HOATZ: variants seen among roughly 807,000 people sequenced by gnomAD.
The protein encoded by HOATZ is cilia- and flagella-associated protein HOATZ.
HOATZ carries 26 observed loss-of-function variants against 24.9 expected under a neutral mutation model. That is an observed-to-expected ratio of 1.04 (90% CI 0.76 to 1.45). The LOEUF is 1.45. Ranked by LOEUF, HOATZ falls within the 40% of genes most tolerant of loss-of-function variation. The pLI is 0.00. For synonymous variants in HOATZ, 83 were observed against 76.6 expected, an observed-to-expected ratio of 1.08 and a Z score of -0.43; for missense variants, 226 against 201.5, an observed-to-expected ratio of 1.12 and a Z score of -0.74.
intron 2 of HOATZ, 95 bp downstream of exon 2, chr11:111,515,647 T>C: frequency 1.8e-6 from 2 of 1,083,216 alleles, no homozygotes; most frequent in Non-Finnish European, 2.8e-6. Context: ...CACTGTGGTA[T>C]AACTTTCTGA....
chr11:111,535,793 G>C (rs1867444894), intron 5 of HOATZ: 1 of 152,100 alleles, frequency 6.6e-6, no homozygotes, highest in South Asian at 2.1e-4. Flanking sequence ...CAAGTAGCTG[G>C]GATTACAGGC....
intron 3 of HOATZ, among the ~76,000 whole-genome samples, chr11:111,526,974 T>C (rs1192238394): frequency 1.3e-5 from 2 of 152,222 alleles, no homozygotes; most frequent in African/African-American, 4.8e-5. Flanking sequence ...AATTCAATCA[T>C]ATAGAGTTAC....
Position 111,516,022 on chromosome 11 carries a change from T to G in HOATZ, c.269-18T>G. Reference sequence around the variant, plus strand: ...TAATAAAATTATTTCAGATTGAATTTGACTTTATTCCCTCTAGAAAATAGA... The same window carrying G: ...TAATAAAATTATTTCAGATTGAATTGGACTTTATTCCCTCTAGAAAATAGA... On this transcript the variant is annotated intron_variant, in intron 2 of 5. Coordinates refer to ENST00000375618, the MANE Select transcript of HOATZ (RefSeq NM_001100388.2). 1 of 1,471,892 alleles carries G rather than the reference T, an allele frequency of 6.8e-7. No individual in the cohort carries two copies. The allele number at this position is 1,471,892 out of a possible 1,614,324, so 91.2% of individuals were successfully genotyped here.
intron 5 of HOATZ, chr11:111,535,032 G>C (rs900522880): frequency 6.6e-6 from 1 of 152,088 alleles, no homozygotes; most frequent in Non-Finnish European, 1.5e-5. Context: ...AAATCTGTCC[G>C]TTTTTGTATT....
chr11:111,529,552 C>T (rs1052859517), intron 3 of HOATZ, among the ~76,000 whole-genome samples: 1 of 152,000 alleles, frequency 6.6e-6, no homozygotes, highest in South Asian at 2.1e-4. Flanking sequence ...TTAGCAGAGA[C>T]GGGGTTTCAC....
intron 5 of HOATZ, 101 bp downstream of exon 5, chr11:111,534,565 G>C (rs907408882): frequency 1.2e-5 from 11 of 904,584 alleles, no homozygotes; most frequent in Non-Finnish European, 2.0e-5. Context: ...AAATCTTCTA[G>C]AAACCCACCC....
chr11:111,529,209 G>T (rs1867369994), intron 3 of HOATZ, among the ~76,000 whole-genome samples: 1 of 151,934 alleles, frequency 6.6e-6, no homozygotes. Context: ...ATAAGCATTA[G>T]CATTAAATGG....
intron 3 of HOATZ, among the ~76,000 whole-genome samples, chr11:111,522,629 C>T (rs1356117855): frequency 6.6e-6 from 1 of 152,142 alleles, no homozygotes; most frequent in African/African-American, 2.4e-5. Flanking sequence ...CCTGACGATA[C>T]AGTCATTTGT....
intron 3 of HOATZ, among the ~76,000 whole-genome samples, chr11:111,530,737 A>C (rs959872529): frequency 1.3e-5 from 2 of 152,172 alleles, no homozygotes; most frequent in African/African-American, 2.4e-5. Context: ...TGTTAATATG[A>C]AATTAAGAAG....
At chr11:111,529,357 T>G (rs1264311539) in intron 3 of HOATZ, among the ~76,000 whole-genome samples, 1 of 152,088 alleles carries the variant, frequency 6.6e-6, no homozygotes, top group Non-Finnish European at 1.5e-5. Flanking sequence ...TCATATTATT[T>G]TCTCTTAATC....
At chr11:111,520,261 G>C (rs964799612) in intron 3 of HOATZ, among the ~76,000 whole-genome samples, 1 of 152,134 alleles carries the variant, frequency 6.6e-6, no homozygotes, top group Admixed American at 6.5e-5. Context: ...CTCTTCAGCT[G>C]ATTATCCCTT....
Position 111,515,428 on chromosome 11 carries a change from T to C in HOATZ, c.227-83T>C. On this transcript the variant is annotated intron_variant, in intron 1 of 5. Coordinates refer to ENST00000375618, the MANE Select transcript of HOATZ (RefSeq NM_001100388.2). ...CTAGGATGTGGAAACTGTTATGCAA[T>C]TGTTATAGTATAAAAAATTCAAACG... 3.6e-6 allele frequency: 4 copies of C among 1,108,312 alleles called. No homozygotes were observed. In the South Asian group the frequency reaches 3.8e-5, roughly 10 times the overall value. 68.7% of individuals were successfully genotyped at this position (1,108,312 alleles called of 1,614,324 possible).
chr11:111,525,275 T>G (rs1292187005), intron 3 of HOATZ, among the ~76,000 whole-genome samples: 1 of 152,158 alleles, frequency 6.6e-6, no homozygotes, highest in Non-Finnish European at 1.5e-5. Flanking sequence ...ACTTTGAAAC[T>G]TTCATTATAA....
chr11:111,532,205 T>C (rs1230618284), intron 3 of HOATZ, among the ~76,000 whole-genome samples: 1 of 152,178 alleles, frequency 6.6e-6, no homozygotes. Flanking sequence ...TTCTGCTACA[T>C]AAGTCTGCAG....
At chr11:111,522,230 A>T (rs1041085834) in intron 3 of HOATZ, among the ~76,000 whole-genome samples, 1 of 152,274 alleles carries the variant, frequency 6.6e-6, no homozygotes, top group African/African-American at 2.4e-5. Flanking sequence ...TGAAACTATT[A>T]GATGCAAAAT....
chr11:111,517,641 C>T (rs1415124278), intron 3 of HOATZ, among the ~76,000 whole-genome samples: 1 of 152,102 alleles, frequency 6.6e-6, no homozygotes, highest in African/African-American at 2.4e-5. Flanking sequence ...GTGGAGGAGA[C>T]AGCCAATTAA....
Position 111,514,996 on chromosome 11 carries a change from G to C in HOATZ, c.212G>C (p.Arg71Thr). Reference sequence around the variant, plus strand: ...CGTCTGCCGGTGGCGCGGCCCAGGAGGAGCAGAGGGTCTGGTGAGTAGAAT... The same window carrying C: ...CGTCTGCCGGTGGCGCGGCCCAGGACGAGCAGAGGGTCTGGTGAGTAGAAT... ...SQRLPVARPR[R>T]SRGSENSHSS... The change falls in exon 1 of 6, where the codon AGG becomes ACG. Residue 71 changes from arginine to threonine, a missense_variant. By Grantham distance (71) the Arg-to-Thr change is moderately conservative (BLOSUM62 -1). Transcript: ENST00000375618. The C allele has an allele frequency of 6.2e-7, 1 of 1,612,734 alleles. No homozygotes were observed. Among genetic ancestry groups the C allele is most frequent in the South Asian group, 1.1e-5 (1 of 91,064 alleles).
At chr11:111,521,450 C>G (rs1867267980) in intron 3 of HOATZ, among the ~76,000 whole-genome samples, 1 of 152,110 alleles carries the variant, frequency 6.6e-6, no homozygotes, top group African/African-American at 2.4e-5. Context: ...AAAAGAAAAT[C>G]CTCTTTTGTG....
intron 3 of HOATZ, chr11:111,524,773 AT>A (rs1231638355): frequency 2.6e-6 from 1 of 379,144 alleles, no homozygotes. Flanking sequence ...GGTCAAAAAA[AT>A]ATTCAAAAAT....
Sources: allele counts gnomAD v4.1 joint callset (sites outside exome capture counted in the v4.1 genomes callset), GRCh38; gene constraint gnomAD v4.1.1; transcripts MANE v1.5; gene names NCBI Gene and HGNC (gene_info 2026-07-23, HGNC 2026-07-21).